PRKCZ: variants seen among roughly 807,000 people sequenced by gnomAD.
PRKCZ encodes protein kinase C zeta type.
A neutral mutation model predicts 79.5 loss-of-function variants in PRKCZ; 33 were observed. The ratio of observed to expected loss-of-function variants is 0.41; its 90% CI spans 0.31 to 0.55. PRKCZ has a LOEUF of 0.55. Ranked by LOEUF, PRKCZ falls within the 20% of genes least tolerant of loss-of-function variation. PRKCZ has a pLI of 0.19. For missense variants in PRKCZ, 578 were observed against 813.5 expected (o/e 0.71, Z 3.52); for synonymous variants, 342 against 320.9 (o/e 1.07, Z -0.70).
chr1:2,092,883 G>T (rs1665761423), intron 4 of PRKCZ, among the ~76,000 whole-genome samples: 1 of 152,174 alleles, frequency 6.6e-6, no homozygotes, highest in Admixed American at 6.5e-5. Context: ...GCCCAGCTAG[G>T]GGGTGACCCT....
Position 2,127,837 on chromosome 1 carries a change from G to T in PRKCZ, c.335-7425G>T, listed in dbSNP as rs922140555. ...GGCCAACCAGGCTGAGTCAGGTGAG[G>T]TGGGGAGTCCCACCCCAAACCCCAA... is the stretch of plus-strand genomic sequence containing the variant. On this transcript the variant is annotated intron_variant, in intron 4 of 17. Coordinates refer to ENST00000378567, the MANE Select transcript of PRKCZ (RefSeq NM_002744.6). This position sits in a 1 kb window ranked among gnomAD's most constrained non-coding sequence, Gnocchi z 5.1. Among the ~76,000 whole-genome samples the T allele has an allele frequency of 5.3e-5, 8 of 152,226 alleles. No individual in the cohort carries two copies. Among genetic ancestry groups the T allele is most frequent in the Non-Finnish European group, 1.0e-4 (7 of 68,026 alleles).
chr1:2,164,915 A>G (rs928325129), intron 10 of PRKCZ, among the ~76,000 whole-genome samples: 2 of 151,894 alleles, frequency 1.3e-5, no homozygotes, highest in African/African-American at 4.8e-5. Flanking sequence ...TCCTCTGCTC[A>G]ACTTCACCCC....
At chr1:2,049,028 T>C (rs185666767), upstream of PRKCZ, among the ~76,000 whole-genome samples, 592 of 152,202 alleles carry the variant, frequency 3.9e-3, 3 homozygotes, top group African/African-American at 0.014. Context: ...CAGCTGGGCA[T>C]GGTGGTGGAC....
chr1:2,112,106 A>C (rs1343767411), intron 4 of PRKCZ, among the ~76,000 whole-genome samples: 2 of 152,238 alleles, frequency 1.3e-5, no homozygotes, highest in African/African-American at 2.4e-5. Context: ...TCGCTGCAGA[A>C]TGTGGTTTCC....
At chr1:2,176,558 A>G (rs570763663) in intron 16 of PRKCZ, among the ~76,000 whole-genome samples, 302 of 152,352 alleles carry the variant, frequency 2.0e-3, no homozygotes, top group Middle Eastern at 3.4e-3. Flanking sequence ...AACCTTTAAA[A>G]TACACTCTCA....
Position 2,146,012 on chromosome 1 carries a change from G to T in PRKCZ, c.553-15G>T. On this transcript the variant is annotated splice_polypyrimidine_tract_variant and intron_variant, in intron 6 of 17. Coordinates refer to ENST00000378567, the MANE Select transcript of PRKCZ (RefSeq NM_002744.6). ...AGCACTTGGTCATGCTGCCATCTCTGTGTCTCTCCGGCAGGATTCTGTCAT... is the reference window on the plus strand; with the variant it reads ...AGCACTTGGTCATGCTGCCATCTCTTTGTCTCTCCGGCAGGATTCTGTCAT... The T allele has an allele frequency of 6.2e-7, 1 of 1,602,988 alleles. No homozygotes were observed. The highest frequency in any genetic ancestry group is 8.5e-7 in the Non-Finnish European group (1 of 1,169,852).
chr1:2,122,505 A>AGGGTCACGGTGGTG (rs1672514761), intron 4 of PRKCZ, among the ~76,000 whole-genome samples: 1 of 2,676 alleles, frequency 3.7e-4, no homozygotes, highest in Admixed American at 7.8e-3. Context: ...TCACGGTGGT[A>AGGGTCACGGTGGTG]GTTAGGGTCA....
intron 10 of PRKCZ, among the ~76,000 whole-genome samples, chr1:2,162,701 G>C (rs1025907490): frequency 6.6e-6 from 1 of 152,130 alleles, no homozygotes; most frequent in Admixed American, 6.5e-5. Context: ...TCCCACCTCA[G>C]CTTCCCAGAG....
chr1:2,169,028 A>G (rs112660170), intron 10 of PRKCZ: 3 of 392,356 alleles, frequency 7.6e-6, no homozygotes, highest in African/African-American at 4.2e-5. Context: ...CTTCTCCCTG[A>G]CCCCAGCTTG....
At chr1:2,059,222 T>C (rs60299298) in intron 3 of PRKCZ, among the ~76,000 whole-genome samples, 2,573 of 152,366 alleles carry the variant, frequency 0.017, 89 homozygotes, top group African/African-American at 0.057. Flanking sequence ...TAAAAGTCAG[T>C]GTTCAAAGTA....
chr1:2,170,578 C>T lies in PRKCZ; in HGVS notation c.1061+974C>T, dbSNP rs137963487. Among the ~76,000 whole-genome samples the T allele has an allele frequency of 3.4e-3, 518 of 152,294 alleles. 4 individuals carry two copies. The highest frequency in any genetic ancestry group is 0.012 in the African/African-American group (490 of 41,562). On this transcript the variant is annotated intron_variant, in intron 11 of 17. Coordinates refer to ENST00000378567, the MANE Select transcript of PRKCZ (RefSeq NM_002744.6). The stretch of plus-strand genomic sequence containing the variant: ...CCATGCTTTGCAGCCACTGCTGGCC[C>T]CCGTCTCATCTCCAGAGCACGCCCC...
chr1:2,155,857 A>T (rs1297842721), intron 9 of PRKCZ, 138 bp from the exon 10 acceptor site: 2 of 708,072 alleles, frequency 2.8e-6, no homozygotes, highest in African/African-American at 1.8e-5. Flanking sequence ...TGCAGTTCCT[A>T]ATGGGTGTTT....
In PRKCZ at chr1:2,185,219, G is replaced by A. The variant is rs954375103; in HGVS notation, c.*210G>A. On this transcript the variant is annotated 3_prime_UTR_variant, in exon 18 of 18. Coordinates refer to ENST00000378567, the MANE Select transcript of PRKCZ (RefSeq NM_002744.6). ...CCGGGCAGGCCAGCTTCGTGCTGGA[G>A]GAACTTGCTGCTGTGCCTGCGTCGC... 1 of 707,494 alleles carries A rather than the reference G, an allele frequency of 1.4e-6. No homozygotes were observed. The highest frequency in any genetic ancestry group is 2.6e-6 in the Non-Finnish European group (1 of 382,938). 43.8% of individuals were successfully genotyped at this position (707,494 alleles called of 1,614,324 possible). A position where few individuals can be genotyped will look rare whatever the true frequency, so the allele number is the denominator to read the frequency against.
At chr1:2,090,734 C>T (rs552866494) in intron 4 of PRKCZ, among the ~76,000 whole-genome samples, 8 of 152,340 alleles carry the variant, frequency 5.3e-5, no homozygotes, top group Admixed American at 2.0e-4. Flanking sequence ...CAGCCGGGGG[C>T]GTCTCGGAGA....
chr1:2,107,182 C>T (rs986848884), intron 4 of PRKCZ, among the ~76,000 whole-genome samples: 1 of 152,258 alleles, frequency 6.6e-6, no homozygotes, highest in Admixed American at 6.5e-5. Context: ...TTCTCTGTCT[C>T]GTGATTCGTG....
intron 4 of PRKCZ, among the ~76,000 whole-genome samples, chr1:2,112,318 CA>C (rs1257439163): frequency 2.2e-4 from 34 of 152,362 alleles, no homozygotes; most frequent in African/African-American, 7.2e-4. Context: ...ACAGAGGCCT[CA>C]AACGGCACAG....
chr1:2,053,792 G>C (rs1659909903), intron 1 of PRKCZ, among the ~76,000 whole-genome samples: 1 of 152,206 alleles, frequency 6.6e-6, no homozygotes, highest in South Asian at 2.1e-4. Flanking sequence ...CAGCAGGCGT[G>C]GATGTCAGCT....
intron 10 of PRKCZ, among the ~76,000 whole-genome samples, chr1:2,167,096 G>C (rs1488300254): frequency 3.3e-5 from 5 of 152,214 alleles, no homozygotes; most frequent in African/African-American, 9.6e-5. Flanking sequence ...TAGCATTAAG[G>C]TTTTTCTGTA....
chr1:2,112,440 C>T (rs1220115159), intron 4 of PRKCZ, among the ~76,000 whole-genome samples: 1 of 152,098 alleles, frequency 6.6e-6, no homozygotes, highest in Admixed American at 6.5e-5. Context: ...AACCCCTGCC[C>T]CGTGAACACC....
Sources: gnomAD v4.1 joint callset for allele counts (sites outside exome capture counted in the v4.1 genomes callset) on GRCh38, gnomAD v4.1.1 for gene constraint, Gnocchi (gnomAD v3.1) non-coding constraint, MANE v1.5 for transcripts, NCBI Gene and HGNC (gene_info 2026-07-23, HGNC 2026-07-21) for gene names.